Variants in SEMA6A observed in about 807,000 individuals in gnomAD.
SEMA6A encodes semaphorin 6A, also known as semaphorin-6A.
A neutral mutation model predicts 96.8 loss-of-function variants in SEMA6A; 25 were observed. That is an observed-to-expected ratio of 0.26 (90% CI 0.19 to 0.36). SEMA6A has a LOEUF of 0.36. SEMA6A is among the 10% of genes least tolerant of loss of function. The pLI, the probability that SEMA6A is intolerant of heterozygous loss-of-function variation, is 1.00. For missense variants in SEMA6A, 1,363 were observed against 1,323.1 expected (o/e 1.03, Z -0.47); for synonymous variants, 612 against 518.0 (o/e 1.18, Z -2.46).
At chr5:116,557,671 G>C (rs943586955) in intron 1 of SEMA6A, among the ~76,000 whole-genome samples, 1 of 147,690 alleles carries the variant, frequency 6.8e-6, no homozygotes, top group Admixed American at 6.9e-5. Context: ...TCAGTCATTG[G>C]TGTGTGTTTT....
chr5:116,488,446 G>T (rs1312330744), intron 8 of SEMA6A, among the ~76,000 whole-genome samples: 1 of 152,176 alleles, frequency 6.6e-6, no homozygotes, highest in Non-Finnish European at 1.5e-5. Flanking sequence ...GCATATCTCT[G>T]TAATTTTATT....
At chr5:116,539,780 C>T (rs1759883466) in intron 1 of SEMA6A, among the ~76,000 whole-genome samples, 1 of 152,078 alleles carries the variant, frequency 6.6e-6, no homozygotes, top group South Asian at 2.1e-4. Flanking sequence ...AGTTCAGATA[C>T]TTTACATTTA....
At chr5:116,513,182 T>C (rs948306319) in intron 1 of SEMA6A, among the ~76,000 whole-genome samples, 4 of 152,034 alleles carry the variant, frequency 2.6e-5, no homozygotes, top group African/African-American at 9.7e-5. Context: ...GCCTGGAGTG[T>C]AATGGCGCGA....
intron 1 of SEMA6A, among the ~76,000 whole-genome samples, chr5:116,554,388 CA>C (rs1760530759): frequency 6.6e-6 from 1 of 152,154 alleles, no homozygotes; most frequent in Non-Finnish European, 1.5e-5. Context: ...ATTTATGGGG[CA>C]TAGTCAAACC....
chr5:116,542,227 T>A (rs938421904), intron 1 of SEMA6A, among the ~76,000 whole-genome samples: 1 of 152,236 alleles, frequency 6.6e-6, no homozygotes, highest in Non-Finnish European at 1.5e-5. Context: ...CATGTGTCAG[T>A]CTGAGAATTG....
intron 1 of SEMA6A, among the ~76,000 whole-genome samples, chr5:116,540,689 A>G (rs1030302253): frequency 6.6e-6 from 1 of 152,200 alleles, no homozygotes; most frequent in African/African-American, 2.4e-5. Flanking sequence ...TGTTGTGTAT[A>G]TGCATGTTAG....
intron 1 of SEMA6A, among the ~76,000 whole-genome samples, chr5:116,549,809 T>C (rs560917922): frequency 1.3e-5 from 2 of 152,296 alleles, no homozygotes; most frequent in Non-Finnish European, 2.9e-5. Flanking sequence ...TCAGAGCATT[T>C]AGTAGTATAC....
At position 116,446,603 on chromosome 5, in the gene SEMA6A, C is replaced by T. The variant is rs201965793; in HGVS notation, c.*10G>A. ...CTGCTGGTTCGACACCTGACCCCCT[C>T]CCCCTGGGATTATGTACACGCATCA... On this transcript the variant is annotated 3_prime_UTR_variant, in exon 19 of 19. Coordinates refer to ENST00000343348, the MANE Select transcript of SEMA6A (RefSeq NM_020796.5). 36 of 1,468,496 alleles carry T rather than the reference C, an allele frequency of 2.5e-5. No individual in the cohort carries two copies. The highest frequency in any genetic ancestry group is 3.3e-5 in the Non-Finnish European group (36 of 1,107,480). 91.0% of individuals were successfully genotyped at this position (1,468,496 alleles called of 1,614,324 possible).
chr5:116,513,783 G>A (rs1208013295), intron 1 of SEMA6A, among the ~76,000 whole-genome samples: 2 of 151,870 alleles, frequency 1.3e-5, no homozygotes, highest in Admixed American at 1.3e-4. Context: ...CTCCTTCCAT[G>A]CCCTGCCCTC....
rs189196101 is a variant in SEMA6A, at chr5:116,452,951, A to G, written c.1895-5140T>C. Among the ~76,000 whole-genome samples, 323 of 152,368 alleles carry G rather than the reference A, an allele frequency of 2.1e-3. 2 individuals are homozygous for G. The highest frequency in any genetic ancestry group is 6.8e-3 in the African/African-American group (284 of 41,588). On this transcript the variant is annotated intron_variant, in intron 18 of 18. Coordinates refer to ENST00000343348, the MANE Select transcript of SEMA6A (RefSeq NM_020796.5). ...AGCAGGGAAGAAGGCAAGTGCTTGC[A>G]TACAACTCTGTCCAAAGTGTGGCTA...
intron 18 of SEMA6A, among the ~76,000 whole-genome samples, chr5:116,451,776 A>G (rs1190012778): frequency 6.6e-6 from 1 of 152,234 alleles, no homozygotes; most frequent in Non-Finnish European, 1.5e-5. Flanking sequence ...CAATCATATA[A>G]AAGAATTTTA....
chr5:116,517,595 T>A (rs992117147), intron 1 of SEMA6A, among the ~76,000 whole-genome samples: 1 of 152,230 alleles, frequency 6.6e-6, no homozygotes, highest in Non-Finnish European at 1.5e-5. Flanking sequence ...TCTGGGCTTA[T>A]AATGACAGTT....
intron 1 of SEMA6A, among the ~76,000 whole-genome samples, chr5:116,548,821 T>C (rs1760288517): frequency 6.6e-6 from 1 of 152,218 alleles, no homozygotes; most frequent in African/African-American, 2.4e-5. Context: ...TCCAATATCA[T>C]TTTAAACGCT....
chr5:116,478,970 G>A (rs1756615851), intron 12 of SEMA6A, among the ~76,000 whole-genome samples: 1 of 149,948 alleles, frequency 6.7e-6, no homozygotes, highest in African/African-American at 2.5e-5. Context: ...GTGTTTGCAG[G>A]CCAAGTACTA....
At chr5:116,491,014 G>A (rs534348686) in intron 7 of SEMA6A, among the ~76,000 whole-genome samples, 116 of 152,296 alleles carry the variant, frequency 7.6e-4, no homozygotes, top group Non-Finnish European at 1.2e-3. Context: ...AAGGAGTAGT[G>A]TTGGGGAGTA....
In SEMA6A at chr5:116,569,759, G is replaced by A. The variant is rs1451849649; in HGVS notation, c.-39+4426C>T. Reference sequence around the variant, plus strand: ...GCTTCAAGGAGAACTAAATTTGGGGGCCGGCAACTCAAAGAATGGAGTTGC... The same window carrying A: ...GCTTCAAGGAGAACTAAATTTGGGGACCGGCAACTCAAAGAATGGAGTTGC... On this transcript the variant is annotated intron_variant, in intron 1 of 18. Transcript: ENST00000343348. 1.1e-4 allele frequency among the ~76,000 whole-genome samples: 17 copies of A among 152,152 alleles called. No individual in the cohort carries two copies. The East Asian group carries it at 3.3e-3, about 29-fold the overall frequency.
chr5:116,488,948 G>T lies in SEMA6A; in HGVS notation c.595C>A (p.Arg199=), dbSNP rs888527009. 6.3e-7 allele frequency: 1 copy of T among 1,588,742 alleles called. No individual in the cohort carries two copies. Among genetic ancestry groups the T allele is most frequent in the African/African-American group, 1.3e-5 (1 of 74,692 alleles). The change falls in exon 8 of 19, where the codon CGG becomes AGG. Residue 199 remains arginine (R), a synonymous_variant. Coordinates refer to ENST00000343348, the MANE Select transcript of SEMA6A (RefSeq NM_020796.5). ...AGGGTAGGGCTTTCTCCAAGACTCC[G>T]GTAAATGACTGCGTCAATGGCAAGG... is the stretch of plus-strand genomic sequence containing the variant. ...DFLAIDAVIY[R]SLGESPTLRT...
chr5:116,489,688 G>C (rs1427464791), intron 7 of SEMA6A, among the ~76,000 whole-genome samples: 1 of 152,154 alleles, frequency 6.6e-6, no homozygotes, highest in Non-Finnish European at 1.5e-5. Context: ...AAGGGGAAGG[G>C]GTTACGCTGA....
intron 2 of SEMA6A, 39 bp downstream of exon 2, chr5:116,504,806 T>G (rs772984587): frequency 6.8e-7 from 1 of 1,462,248 alleles, no homozygotes; most frequent in Non-Finnish European, 9.4e-7. Flanking sequence ...GCTAAAATGT[T>G]CTCAAAGGGA....
Sources: gnomAD v4.1 joint callset for allele counts (sites outside exome capture counted in the v4.1 genomes callset) on GRCh38, gnomAD v4.1.1 for gene constraint, MANE v1.5 for transcripts, NCBI Gene and HGNC (gene_info 2026-07-23, HGNC 2026-07-21) for gene names.